Variants in TYW1 observed in about 807,000 individuals in gnomAD.
TYW1 encodes the protein S-adenosyl-L-methionine-dependent tRNA 4-demethylwyosine synthase TYW1.
TYW1 carries 46 observed loss-of-function variants against 96.2 expected under a neutral mutation model. The observed-to-expected ratio is 0.48, with a 90% CI of 0.38 to 0.61. TYW1 has a LOEUF of 0.61. Ranked by LOEUF, TYW1 falls within the 20% of genes least tolerant of loss-of-function variation. The pLI, the probability that TYW1 is intolerant of heterozygous loss-of-function variation, is 0.00. For synonymous variants in TYW1, 274 were observed against 323.0 expected (o/e 0.85, Z 1.63); for missense variants, 684 against 909.6 (o/e 0.75, Z 3.19).
At position 67,117,625 on chromosome 7, in the gene TYW1, A is replaced by T. The variant is rs1166667210; in HGVS notation, c.1698+7A>T. 2.9e-5 allele frequency: 47 copies of T among 1,600,368 alleles called. No homozygotes were observed. Among genetic ancestry groups the T allele is most frequent in the Non-Finnish European group, 3.9e-5 (46 of 1,176,674 alleles). ...AAAAGCCTTGGCAGTCAAGGTAAGA[A>T]TTATGACATCTTAAAAATAAATAAA... On this transcript the variant is annotated splice_region_variant and intron_variant, in intron 13 of 15. Coordinates refer to ENST00000359626, the MANE Select transcript of TYW1 (RefSeq NM_018264.4).
intron 3 of TYW1, among the ~76,000 whole-genome samples, chr7:67,002,008 T>C (rs1259926089): frequency 6.7e-6 from 1 of 148,866 alleles, no homozygotes; most frequent in Non-Finnish European, 1.5e-5. Context: ...CACTCCAGCC[T>C]GGGCAGCAGA....
chr7:67,183,187 C>A lies in TYW1; in HGVS notation c.1760C>A (p.Ala587Asp). Residue 587 changes from alanine to aspartate, a missense_variant, in exon 14 of 16, where the codon GCC (alanine) becomes GAC (aspartate). Coordinates refer to ENST00000359626, the MANE Select transcript of TYW1 (RefSeq NM_018264.4). ...GCATGGAACGTGGACGAGCTCCAGG[C>A]CTACGCGCAGCTCGTGTCCCTGGGG... ...VKAWNVDELQ[A>D]YAQLVSLGNP... is the part of the protein sequence containing the mutation. 6.2e-7 allele frequency: 1 copy of A among 1,611,340 alleles called. No individual in the cohort carries two copies. The highest frequency in any genetic ancestry group is 8.5e-7 in the Non-Finnish European group (1 of 1,178,698).
intron 13 of TYW1, among the ~76,000 whole-genome samples, chr7:67,174,286 C>T (rs1024573974): frequency 7.9e-5 from 12 of 151,884 alleles, no homozygotes; most frequent in South Asian, 6.2e-4. Flanking sequence ...TAAACCCAAA[C>T]GGGATAAATA....
chr7:67,193,708 G>A (rs567995645), intron 14 of TYW1, among the ~76,000 whole-genome samples: 3 of 150,782 alleles, frequency 2.0e-5, no homozygotes, highest in South Asian at 2.1e-4. Context: ...GCAGTGAGCC[G>A]AGATCAGGCC....
chr7:67,211,516 T>C (rs1801024764), intron 15 of TYW1, among the ~76,000 whole-genome samples: 1 of 152,222 alleles, frequency 6.6e-6, no homozygotes, highest in African/African-American at 2.4e-5. Context: ...GGTATGCTCA[T>C]TGTTGGGCTG....
intron 11 of TYW1, among the ~76,000 whole-genome samples, chr7:67,095,147 C>T (rs1226888455): frequency 1.3e-5 from 2 of 151,934 alleles, no homozygotes; most frequent in Admixed American, 6.6e-5. Context: ...TACAAGCATG[C>T]ACCACCACGC....
intron 7 of TYW1, among the ~76,000 whole-genome samples, chr7:67,025,364 G>A (rs1794415220): frequency 1.1e-5 from 1 of 90,300 alleles, no homozygotes; most frequent in South Asian, 3.1e-4. Context: ...TAGCTGATGA[G>A]CTAAAAAAAA....
At chr7:67,054,724 G>A (rs1186629910) in intron 8 of TYW1, among the ~76,000 whole-genome samples, 1 of 152,158 alleles carries the variant, frequency 6.6e-6, no homozygotes, top group Non-Finnish European at 1.5e-5. Flanking sequence ...GAGTCTTTTT[G>A]TGAGAGCGAC....
At chr7:67,117,651 C>T in intron 13 of TYW1, 33 bp downstream of exon 13, 1 of 1,591,614 alleles carries the variant, frequency 6.3e-7, no homozygotes, top group Non-Finnish European at 8.5e-7. Flanking sequence ...AATAAATAAA[C>T]AACCCTCAGG....
Position 67,009,700 on chromosome 7 carries a change from T to C in TYW1, c.375+16T>C. 6.3e-7 allele frequency: 1 copy of C among 1,577,198 alleles called. No individual in the cohort carries two copies. The highest frequency in any genetic ancestry group is 8.6e-7 in the Non-Finnish European group (1 of 1,164,088). On this transcript the variant is annotated intron_variant, in intron 4 of 15. Transcript: ENST00000359626. Reference sequence around the variant, plus strand: ...GATAGAAGAGGTTGGTAATTGTCTTTTTCTTCAGTCAAAACTCTCAAATTT... The same window carrying C: ...GATAGAAGAGGTTGGTAATTGTCTTCTTCTTCAGTCAAAACTCTCAAATTT...
intron 7 of TYW1, among the ~76,000 whole-genome samples, chr7:67,034,751 A>G (rs1794780526): frequency 6.6e-6 from 1 of 152,232 alleles, no homozygotes. Flanking sequence ...GTTCATTAAC[A>G]TTCAGGTGTT....
chr7:67,078,981 A>G (rs1473237050), intron 10 of TYW1, among the ~76,000 whole-genome samples: 2 of 152,186 alleles, frequency 1.3e-5, no homozygotes, highest in Non-Finnish European at 2.9e-5. Flanking sequence ...GACGTGAGCC[A>G]CCGCGCCTGG....
chr7:67,223,461 C>T (rs1584716100), intron 15 of TYW1, among the ~76,000 whole-genome samples: 1 of 152,172 alleles, frequency 6.6e-6, no homozygotes, highest in African/African-American at 2.4e-5. Context: ...TCCATGGTAA[C>T]TATAATTTCC....
intron 15 of TYW1, among the ~76,000 whole-genome samples, chr7:67,207,681 C>CTTCTTTTTTTTTTTTTTTTTTTTTT (rs71052407): frequency 8.6e-6 from 1 of 116,580 alleles, no homozygotes; most frequent in South Asian, 2.7e-4. Flanking sequence ...TTTTGTTTGC[C>CTTCTTTTTTTTTTTTTTTTTTTTTT]TTTTTTTTTT....
intron 6 of TYW1, among the ~76,000 whole-genome samples, chr7:67,018,505 C>A (rs1480636012): frequency 3.3e-5 from 5 of 151,688 alleles, no homozygotes; most frequent in African/African-American, 9.7e-5. Context: ...CATGCCACTG[C>A]CCTCCAGCCT....
chr7:67,120,480 T>G (rs1432383771), intron 13 of TYW1, among the ~76,000 whole-genome samples: 1 of 152,248 alleles, frequency 6.6e-6, no homozygotes, highest in East Asian at 1.9e-4. Flanking sequence ...CTTTGTGGGT[T>G]TCTTTTGCTG....
At chr7:67,219,914 A>G (rs1334836777) in intron 15 of TYW1, among the ~76,000 whole-genome samples, 2 of 119,032 alleles carry the variant, frequency 1.7e-5, no homozygotes, top group Non-Finnish European at 3.5e-5. Context: ...TCCTTCTGCT[A>G]GCTTTTGGTT....
At chr7:67,103,161 CA>C (rs1473153426) in intron 12 of TYW1, among the ~76,000 whole-genome samples, 7 of 152,090 alleles carry the variant, frequency 4.6e-5, no homozygotes, top group Non-Finnish European at 1.0e-4. Context: ...AAGAGAAGAA[CA>C]AAAGCAAGTC....
intron 14 of TYW1, among the ~76,000 whole-genome samples, chr7:67,184,676 A>G (rs1799962649): frequency 9.4e-6 from 1 of 106,858 alleles, no homozygotes; most frequent in African/African-American, 4.1e-5. Flanking sequence ...ATGTTATGTT[A>G]TGTTATGTTA....
Sources: gnomAD v4.1 joint callset for allele counts (sites outside exome capture counted in the v4.1 genomes callset) on GRCh38, gnomAD v4.1.1 for gene constraint, MANE v1.5 for transcripts, NCBI Gene and HGNC (gene_info 2026-07-23, HGNC 2026-07-21) for gene names.